The following ARSG variants were observed in gnomAD, a reference collection of about 807,000 sequenced individuals.
ARSG encodes arylsulfatase G.
ARSG carries 37 observed loss-of-function variants against 50.5 expected under a neutral mutation model. The observed-to-expected ratio is 0.73, with a 90% CI of 0.56 to 0.96. The LOEUF is 0.96. ARSG is among the 50% of genes least tolerant of loss of function. The pLI, the probability that ARSG is intolerant of heterozygous loss-of-function variation, is 0.00. For missense variants in ARSG, 629 were observed against 675.3 expected (o/e 0.93, Z 0.76); for synonymous variants, 225 against 254.6 (o/e 0.88, Z 1.11).
intron 2 of ARSG, among the ~76,000 whole-genome samples, chr17:68,339,216 T>C (rs2078161167): frequency 6.6e-6 from 1 of 152,146 alleles, no homozygotes; most frequent in African/African-American, 2.4e-5. Context: ...AAGAATCGCT[T>C]GAACCTGGGA....
At chr17:68,315,831 C>G (rs1480994215) in intron 2 of ARSG, among the ~76,000 whole-genome samples, 1 of 152,068 alleles carries the variant, frequency 6.6e-6, no homozygotes. Context: ...CAGCATTTCA[C>G]CATGTTGGCC....
intron 6 of ARSG, among the ~76,000 whole-genome samples, chr17:68,361,944 A>C (rs534722527): frequency 1.4e-4 from 21 of 152,230 alleles, no homozygotes; most frequent in Middle Eastern, 3.4e-3. Flanking sequence ...AAACAAACAA[A>C]AACAACAACA....
chr17:68,441,403 AGACAATTAGAC>A, the ARSG span, among the ~76,000 whole-genome samples: 3 of 152,250 alleles, frequency 2.0e-5, no homozygotes, highest in African/African-American at 7.2e-5. Flanking sequence ...TGTGTGCTGA[AGACAATTAGAC>A]GAGTGATTGT....
At chr17:68,403,363 A>C (rs576964550) in intron 11 of ARSG, among the ~76,000 whole-genome samples, 1 of 152,362 alleles carries the variant, frequency 6.6e-6, no homozygotes, top group African/African-American at 2.4e-5. Flanking sequence ...GATAGGAACT[A>C]TAACACCCAG....
At chr17:68,294,900 A>G (rs2076151980) in intron 1 of ARSG, among the ~76,000 whole-genome samples, 1 of 152,144 alleles carries the variant, frequency 6.6e-6, no homozygotes, top group Non-Finnish European at 1.5e-5. Context: ...AAACTGGGAA[A>G]CACACACTTC....
chr17:68,422,048 T>A (rs2082818732), downstream of ARSG: 1 of 573,740 alleles, frequency 1.7e-6, no homozygotes, highest in East Asian at 2.9e-5. Context: ...TGTCTCTGTG[T>A]GTGTGTGTAT....
intron 9 of ARSG, among the ~76,000 whole-genome samples, chr17:68,394,768 T>C (rs1308028892): frequency 1.3e-5 from 2 of 152,192 alleles, no homozygotes; most frequent in African/African-American, 4.8e-5. Flanking sequence ...TAAAATATCA[T>C]ACCCATCTTA....
chr17:68,354,777 A>G (rs953514282), intron 5 of ARSG, among the ~76,000 whole-genome samples: 3 of 151,528 alleles, frequency 2.0e-5, no homozygotes, highest in Non-Finnish European at 4.4e-5. Flanking sequence ...TCAGCTGCTC[A>G]GGGACTAAGA....
chr17:68,328,397 T>C (rs1451292436), intron 2 of ARSG, among the ~76,000 whole-genome samples: 1 of 152,116 alleles, frequency 6.6e-6, no homozygotes, highest in Non-Finnish European at 1.5e-5. Context: ...GAGGCTTAGA[T>C]TGAGTTACCT....
intron 9 of ARSG, among the ~76,000 whole-genome samples, chr17:68,387,272 G>A (rs1265923078): frequency 6.6e-6 from 1 of 152,038 alleles, no homozygotes. Context: ...GGGACTACAG[G>A]CATGCACCAC....
Position 68,367,941 on chromosome 17 carries a change from G to A in ARSG, c.705-607G>A, listed in dbSNP as rs1287085766. 1.3e-5 allele frequency among the ~76,000 whole-genome samples: 2 copies of A among 152,096 alleles called. No homozygotes were observed. The highest frequency in any genetic ancestry group is 2.9e-5 in the Non-Finnish European group (2 of 68,004). ...CAAAATTAGACGGGCATGGGGGTGG[G>A]CACCTGTAATTCCAGCTACTCAGGA... On this transcript the variant is annotated intron_variant, in intron 6 of 11. Coordinates refer to ENST00000621439, the MANE Select transcript of ARSG (RefSeq NM_001267727.2). The surrounding 1 kb of genome is among the most constrained non-coding windows in gnomAD (Gnocchi z 4.5).
At chr17:68,330,907 TC>T (rs768349366) in intron 2 of ARSG, among the ~76,000 whole-genome samples, 29 of 151,472 alleles carry the variant, frequency 1.9e-4, no homozygotes, top group Admixed American at 6.6e-5. Flanking sequence ...TTTTAGTGAT[TC>T]TTGAACCAGG....
chr17:68,412,785 C>T (rs1486755783), intron 11 of ARSG, among the ~76,000 whole-genome samples: 1 of 152,148 alleles, frequency 6.6e-6, no homozygotes, highest in African/African-American at 2.4e-5. Flanking sequence ...GGTTTTTTCA[C>T]ATAGTCCCAT....
intron 3 of ARSG, 81 bp from the exon 4 acceptor site, chr17:68,347,044 T>G (rs1004551645): frequency 6.3e-7 from 1 of 1,581,450 alleles, no homozygotes; most frequent in Admixed American, 1.7e-5. Flanking sequence ...AATGGAGAGC[T>G]GAGTGTGTGA....
chr17:68,303,991 A>G (rs1306616825), intron 1 of ARSG, among the ~76,000 whole-genome samples: 2 of 152,218 alleles, frequency 1.3e-5, no homozygotes, highest in Non-Finnish European at 2.9e-5. Context: ...GAAAATCCTC[A>G]ATGGAATGTT....
rs542274340 is a variant in ARSG at position 68,407,768 on chromosome 17, G to A, written c.1303+6318G>A. Among the ~76,000 whole-genome samples the A allele has an allele frequency of 9.2e-5, 14 of 151,952 alleles. No individual in the cohort carries two copies. The East Asian group carries it at 2.7e-3, about 29-fold the overall frequency. On this transcript the variant is annotated intron_variant, in intron 11 of 11. Transcript: ENST00000621439. ...AGGAGCTTTCTGGAGGAGTCTTTAG[G>A]GTTTTCGAGGTAAACAATCATATTG... is the stretch of plus-strand genomic sequence containing the variant.
intron 10 of ARSG, 165 bp from the exon 11 acceptor site, chr17:68,401,195 G>A (rs1394778752): frequency 8.1e-6 from 5 of 616,402 alleles, no homozygotes; most frequent in Non-Finnish European, 1.5e-5. Context: ...GTTAACTTTT[G>A]TATTTTTTTG....
chr17:68,318,304 T>G (rs2077152000), intron 2 of ARSG, among the ~76,000 whole-genome samples: 1 of 152,180 alleles, frequency 6.6e-6, no homozygotes, highest in Non-Finnish European at 1.5e-5. Flanking sequence ...ACAACACTAG[T>G]TTGGTTCTTG....
chr17:68,294,869 TG>T (rs1456498075), intron 1 of ARSG, among the ~76,000 whole-genome samples: 1 of 152,154 alleles, frequency 6.6e-6, no homozygotes, highest in African/African-American at 2.4e-5. Context: ...TTTCACAGTT[TG>T]TAGGAAGGCA....
Sources: allele counts gnomAD v4.1 joint callset (sites outside exome capture counted in the v4.1 genomes callset), GRCh38; gene constraint gnomAD v4.1.1; non-coding constraint Gnocchi (gnomAD v3.1); transcripts MANE v1.5; gene names NCBI Gene and HGNC (gene_info 2026-07-23, HGNC 2026-07-21).